The following FAT4 variants were observed in gnomAD, a reference collection of about 807,000 sequenced individuals.
The protein encoded by FAT4 is FAT atypical cadherin 4, also known as protocadherin Fat 4.
In FAT4, 84 loss-of-function variants were observed where a neutral mutation model predicts 303.9. That is an observed-to-expected ratio of 0.28 (90% CI 0.23 to 0.33). The LOEUF (loss-of-function observed/expected upper bound fraction) is 0.33. Among genes scored for constraint, FAT4 ranks in the 10% least tolerant of loss-of-function variants. FAT4 has a pLI of 1.00. For synonymous variants in FAT4, 2,307 were observed against 2,298.8 expected (o/e 1.00, Z -0.10); for missense variants, 6,005 against 6,146.8 (o/e 0.98, Z 0.77).
intron 14 of FAT4, 165 bp downstream of exon 14, chr4:125,477,499 G>T: frequency 2.0e-6 from 1 of 505,458 alleles, no homozygotes; most frequent in African/African-American, 2.0e-5. Context: ...TTGGCATAAA[G>T]TATGATATTT....
At chr4:125,452,839 A>G (rs1263260331) in intron 10 of FAT4, 29 bp downstream of exon 10, 6 of 1,561,358 alleles carry the variant, frequency 3.8e-6, no homozygotes, top group Admixed American at 1.9e-5. Flanking sequence ...TTTTCTCACT[A>G]AGACTTTAGC....
intron 2 of FAT4, among the ~76,000 whole-genome samples, chr4:125,349,649 T>A (rs537561167): frequency 1.3e-5 from 2 of 151,858 alleles, no homozygotes; most frequent in East Asian, 3.9e-4. Flanking sequence ...CATGATTCAA[T>A]ATATATGCCC....
chr4:125,423,873 C>A (rs1724992942), intron 7 of FAT4, among the ~76,000 whole-genome samples: 1 of 152,206 alleles, frequency 6.6e-6, no homozygotes, highest in South Asian at 2.1e-4. Flanking sequence ...CTTTAACTGC[C>A]CCTCTGCATT....
intron 2 of FAT4, chr4:125,394,094 C>A (rs1298821008): frequency 4.3e-6 from 3 of 693,620 alleles, no homozygotes; most frequent in Non-Finnish European, 8.1e-6. Flanking sequence ...TATCTAAGCA[C>A]AAAGGTCAAC....
chr4:125,361,661 C>T (rs1162402467), intron 2 of FAT4, among the ~76,000 whole-genome samples: 1 of 152,090 alleles, frequency 6.6e-6, no homozygotes, highest in Non-Finnish European at 1.5e-5. Flanking sequence ...TTATATGCTA[C>T]AGAAGCCACA....
Position 125,492,520 on chromosome 4 carries a change from A to G in FAT4, c.*752A>G, listed in dbSNP as rs985975358. 1 of 152,244 alleles carries G rather than the reference A, an allele frequency of 6.6e-6. No individual in the cohort carries two copies. The highest frequency in any genetic ancestry group is 2.4e-5 in the African/African-American group (1 of 41,464). 9.4% of individuals were successfully genotyped at this position (152,244 alleles called of 1,614,324 possible). ...TGATGTTCTCAGCAGCACTTCTAAG[A>G]AACACTCTTAAAAGTTATTTATTGA... On this transcript the variant is annotated 3_prime_UTR_variant, in exon 18 of 18. Transcript: ENST00000394329.
At chr4:125,345,361 A>G (rs893414864) in intron 2 of FAT4, among the ~76,000 whole-genome samples, 1 of 151,988 alleles carries the variant, frequency 6.6e-6, no homozygotes, top group Admixed American at 6.6e-5. Context: ...TCTGTTTGAA[A>G]TGACACTAGT....
chr4:125,344,328 A>G (rs1419027424), intron 2 of FAT4, among the ~76,000 whole-genome samples: 1 of 152,146 alleles, frequency 6.6e-6, no homozygotes, highest in East Asian at 1.9e-4. Context: ...TTTCCTAGTA[A>G]TTAAACAGCA....
chr4:125,456,282 A>G (rs962792349), intron 10 of FAT4, among the ~76,000 whole-genome samples: 11 of 152,170 alleles, frequency 7.2e-5, no homozygotes, highest in African/African-American at 2.7e-4. Flanking sequence ...CTCCAGGGCC[A>G]GAGCTGCCAA....
intron 7 of FAT4, among the ~76,000 whole-genome samples, chr4:125,418,363 T>C (rs1735153982): frequency 6.6e-6 from 1 of 152,154 alleles, no homozygotes; most frequent in Admixed American, 6.6e-5. Flanking sequence ...TGCAAACCAC[T>C]AAATGTTTCA....
intron 2 of FAT4, among the ~76,000 whole-genome samples, chr4:125,328,778 G>T (rs1237288936): frequency 6.6e-6 from 1 of 152,158 alleles, no homozygotes; most frequent in East Asian, 1.9e-4. Flanking sequence ...GGCTCATGGA[G>T]GTTGCTTATG....
intron 3 of FAT4, 37 bp from the exon 4 acceptor site, chr4:125,406,843 A>G (rs1434815029): frequency 6.3e-7 from 1 of 1,595,562 alleles, no homozygotes; most frequent in South Asian, 1.1e-5. Context: ...ATGCTTTTCT[A>G]CTTCCAATAG....
In FAT4 at chr4:125,451,937, C is replaced by T; in HGVS notation, c.10927C>T (p.Pro3643Ser). 6.2e-7 allele frequency: 1 copy of T among 1,614,090 alleles called. No homozygotes were observed. Among genetic ancestry groups the T allele is most frequent in the Non-Finnish European group, 8.5e-7 (1 of 1,180,016 alleles). Residue 3643 changes from proline (P) to serine (S), a missense_variant, in exon 10 of 18, where the codon CCA becomes TCA. Transcript: ENST00000394329. ...TTTAGGCTCTGTGAAGCCACAGGAT[C>T]CAGATGTGTTAGACAGCTTCCACTG... Reference protein sequence around the residue: ...GILGSVKPQDPDVLDSFHCSL... With the variant: ...GILGSVKPQDSDVLDSFHCSL...
chr4:125,385,024 A>ATTTT (rs70960372), intron 2 of FAT4, among the ~76,000 whole-genome samples: 2 of 94,430 alleles, frequency 2.1e-5, no homozygotes, highest in African/African-American at 8.5e-5. Flanking sequence ...ATATATATAT[A>ATTTT]TTTTTTTTTT....
chr4:125,384,001 G>T (rs1733639267), intron 2 of FAT4, among the ~76,000 whole-genome samples: 1 of 152,100 alleles, frequency 6.6e-6, no homozygotes, highest in Non-Finnish European at 1.5e-5. Context: ...GTACTAATAT[G>T]ACTTTATTTC....
intron 7 of FAT4, among the ~76,000 whole-genome samples, chr4:125,423,521 T>C (rs1724980915): frequency 6.6e-6 from 1 of 152,252 alleles, no homozygotes; most frequent in African/African-American, 2.4e-5. Flanking sequence ...AACCTCCGCC[T>C]GAATTTCAGA....
In FAT4 at chr4:125,491,505, G is replaced by C. The variant is rs370075940; in HGVS notation, c.14689G>C (p.Gly4897Arg). 6.2e-7 allele frequency: 1 copy of C among 1,614,108 alleles called. No individual in the cohort carries two copies. The highest frequency in any genetic ancestry group is 8.5e-7 in the Non-Finnish European group (1 of 1,180,004). The stretch of plus-strand genomic sequence containing the variant: ...CAGACTGAAGCCTCGAAGGTACCAC[G>C]GTCGCAGGGCCGAGGGAGGACCTGT... ...GARLKPRRYH[G>R]RRAEGGPVGT... The change falls in exon 18 of 18, where the codon GGT becomes CGT. Residue 4897 changes from glycine (G) to arginine (R), a missense_variant. Physicochemically the swap from Gly to Arg is moderately radical, Grantham distance 125. Transcript: ENST00000394329.
At chr4:125,468,067 G>A (rs866799119) in intron 11 of FAT4, among the ~76,000 whole-genome samples, 2 of 152,024 alleles carry the variant, frequency 1.3e-5, no homozygotes, top group South Asian at 4.1e-4. Flanking sequence ...GGGAAGCTGA[G>A]ACAAGAGAAT....
chr4:125,374,983 T>C (rs2125994361), intron 2 of FAT4, among the ~76,000 whole-genome samples: 1 of 152,328 alleles, frequency 6.6e-6, no homozygotes, highest in African/African-American at 2.4e-5. Context: ...TATTGCCCCT[T>C]ATATAACTTG....
Sources: gnomAD v4.1 joint callset for allele counts (sites outside exome capture counted in the v4.1 genomes callset) on GRCh38, gnomAD v4.1.1 for gene constraint, MANE v1.5 for transcripts, NCBI Gene and HGNC (gene_info 2026-07-23, HGNC 2026-07-21) for gene names.